The following ANK1 variants were observed in gnomAD, a reference collection of about 807,000 sequenced individuals.
ANK1 encodes ankyrin-1.
Under a neutral mutation model 210.4 loss-of-function variants are expected in ANK1, and 51 were observed. That is an observed-to-expected ratio of 0.24 (90% CI 0.19 to 0.31). The LOEUF (loss-of-function observed/expected upper bound fraction) is 0.31, where lower values mean the gene tolerates loss of function less well. Ranked by LOEUF, ANK1 falls within the 10% of genes least tolerant of loss-of-function variation. The pLI is 1.00. For synonymous variants in ANK1, 967 were observed against 1,025.9 expected (o/e 0.94, Z 1.10); for missense variants, 2,051 against 2,504.4 (o/e 0.82, Z 3.86).
At chr8:41,729,567 T>C (rs899995378) in intron 3 of ANK1, among the ~76,000 whole-genome samples, 2 of 152,216 alleles carry the variant, frequency 1.3e-5, no homozygotes, top group Non-Finnish European at 2.9e-5. Flanking sequence ...ATTTTTAAAT[T>C]TTTTTGTAGA....
chr8:41,738,311 A>C (rs561967311), intron 2 of ANK1, among the ~76,000 whole-genome samples: 3 of 152,236 alleles, frequency 2.0e-5, no homozygotes, highest in African/African-American at 7.2e-5. Context: ...AAACATCCAG[A>C]CCCCAGCAGC....
At chr8:41,658,932 A>G (rs1806794043) in intron 42 of ANK1, among the ~76,000 whole-genome samples, 2 of 140,816 alleles carry the variant, frequency 1.4e-5, no homozygotes, top group African/African-American at 5.4e-5. Flanking sequence ...ATAAATAAAT[A>G]AATAGTCGCT....
intron 1 of ANK1, among the ~76,000 whole-genome samples, chr8:41,825,290 TAGGTA>T (rs1249076614): frequency 6.6e-6 from 1 of 152,250 alleles, no homozygotes; most frequent in East Asian, 1.9e-4. Flanking sequence ...TTCTGTGGAT[TAGGTA>T]AAGAAATGTA....
Position 41,864,249 on chromosome 8 carries a change from CAAA to C in ANK1, c.126+32103_126+32105del, listed in dbSNP as rs34673931. 6.0e-3 allele frequency among the ~76,000 whole-genome samples: 464 copies of C among 77,882 alleles called. 2 individuals are homozygous for C. Among genetic ancestry groups the C allele is most frequent in the African/African-American group, 0.019 (428 of 22,780 alleles). The allele number at this position is 77,882 out of a possible 152,430, so 51.1% of individuals were successfully genotyped here. A position where few individuals can be genotyped will look rare whatever the true frequency, so the allele number is the denominator to read the frequency against. ...TGGGTGACAGAGTGAGACTCTGTCT[CAAA>C]AAAAAAAAAAAAAAAGGGTACCATT... On this transcript the variant is annotated intron_variant, in intron 1 of 42. Coordinates refer to the ANK1 transcript ENST00000265709.
chr8:41,691,564 G>A (rs951165282), intron 31 of ANK1, among the ~76,000 whole-genome samples: 8 of 152,122 alleles, frequency 5.3e-5, no homozygotes, highest in African/African-American at 1.9e-4. Flanking sequence ...GGTCTCTTAG[G>A]ATCGGTAACT....
intron 5 of ANK1, 115 bp from the exon 6 acceptor site, chr8:41,726,061 C>A (rs1164288906): frequency 1.7e-6 from 2 of 1,185,530 alleles, no homozygotes; most frequent in Non-Finnish European, 2.4e-6. Context: ...CCTGAGGGAC[C>A]TACCTCCACC....
chr8:41,693,339 C>T, intron 29 of ANK1, 138 bp from the exon 30 acceptor site: 1 of 739,776 alleles, frequency 1.4e-6, no homozygotes, highest in South Asian at 1.5e-5. Context: ...ACCCTACCCT[C>T]ACCCCGCTGC....
intron 1 of ANK1, among the ~76,000 whole-genome samples, chr8:41,883,749 A>T (rs1451760220): frequency 6.6e-6 from 1 of 152,122 alleles, no homozygotes; most frequent in Admixed American, 6.5e-5. Flanking sequence ...CATGAGCTAC[A>T]GCACCTGGCT....
At chr8:41,706,910 C>T (rs532599665) in intron 17 of ANK1, among the ~76,000 whole-genome samples, 45 of 152,228 alleles carry the variant, frequency 3.0e-4, no homozygotes, top group African/African-American at 1.0e-3. Context: ...ACCAGCCTGG[C>T]CAACATGGTG....
intron 37 of ANK1, among the ~76,000 whole-genome samples, chr8:41,680,991 G>A (rs1815805238): frequency 6.6e-6 from 1 of 152,198 alleles, no homozygotes; most frequent in African/African-American, 2.4e-5. Flanking sequence ...GAGAAGTCAG[G>A]TAAAAGGCAG....
At chr8:41,708,503 G>C (rs567813613) in intron 17 of ANK1, among the ~76,000 whole-genome samples, 19 of 152,320 alleles carry the variant, frequency 1.2e-4, no homozygotes, top group Admixed American at 2.6e-4. Flanking sequence ...TTTTAATATT[G>C]ATCTTTCTGC....
chr8:41,688,345 C>G, intron 34 of ANK1, 115 bp from the exon 35 acceptor site: 1 of 1,442,480 alleles, frequency 6.9e-7, no homozygotes, highest in East Asian at 2.3e-5. Context: ...ATTGTCTAGA[C>G]TCTCTGCAAG....
intron 1 of ANK1, among the ~76,000 whole-genome samples, chr8:41,763,889 C>CTTTTTTTTTTTTTTT (rs869100297): frequency 6.0e-3 from 349 of 57,842 alleles, no homozygotes; most frequent in South Asian, 9.0e-3. Flanking sequence ...TTCTTTTTTT[C>CTTTTTTTTTTTTTTT]TTTTTTTTTT....
intron 1 of ANK1, among the ~76,000 whole-genome samples, chr8:41,860,589 C>G (rs1219296621): frequency 6.6e-6 from 1 of 152,136 alleles, no homozygotes; most frequent in Non-Finnish European, 1.5e-5. Flanking sequence ...GGTTCCTCAT[C>G]TGAAAAATGG....
intron 1 of ANK1, among the ~76,000 whole-genome samples, chr8:41,762,909 G>C (rs983412623): frequency 6.6e-6 from 1 of 152,170 alleles, no homozygotes; most frequent in South Asian, 2.1e-4. Context: ...CTGAATCCAG[G>C]AAGAAAAGAA....
In ANK1 at chr8:41,704,604, T is replaced by C. The variant is rs1345826703; in HGVS notation, c.2098-132A>G. Reference sequence around the variant, plus strand: ...TGAAGGCTGACATTGACAAGCTGAATGGCTGCTGCTGGGCAGAGACCACCA... The same window carrying C: ...TGAAGGCTGACATTGACAAGCTGAACGGCTGCTGCTGGGCAGAGACCACCA... On this transcript the variant is annotated intron_variant, in intron 18 of 42. Transcript: ENST00000289734. This position sits in a 1 kb window ranked among gnomAD's most constrained non-coding sequence, Gnocchi z 4.1. 1 of 790,256 alleles carries C rather than the reference T, an allele frequency of 1.3e-6. No individual in the cohort carries two copies. The highest frequency in any genetic ancestry group is 2.2e-6 in the Non-Finnish European group (1 of 460,666). The allele number at this position is 790,256 out of a possible 1,614,324, so 49.0% of individuals were successfully genotyped here.
chr8:41,719,264 G>A (rs1278137468), intron 10 of ANK1, among the ~76,000 whole-genome samples: 1 of 152,138 alleles, frequency 6.6e-6, no homozygotes, highest in Non-Finnish European at 1.5e-5. Flanking sequence ...CTCAGCTCTG[G>A]CCATCTCATT....
chr8:41,808,592 G>A (rs1238628918), intron 1 of ANK1, among the ~76,000 whole-genome samples: 2 of 152,066 alleles, frequency 1.3e-5, no homozygotes, highest in Non-Finnish European at 2.9e-5. Flanking sequence ...GTGAACCCAG[G>A]AGGCGGAGGT....
intron 1 of ANK1, among the ~76,000 whole-genome samples, chr8:41,795,648 G>A (rs1848608094): frequency 6.6e-6 from 1 of 152,060 alleles, no homozygotes; most frequent in African/African-American, 2.4e-5. Context: ...AAATAAGCGA[G>A]GCACAGAAAG....
Sources: allele counts gnomAD v4.1 joint callset (sites outside exome capture counted in the v4.1 genomes callset), GRCh38; gene constraint gnomAD v4.1.1; non-coding constraint Gnocchi (gnomAD v3.1); transcripts MANE v1.5; gene names NCBI Gene and HGNC (gene_info 2026-07-23, HGNC 2026-07-21).